DAB1: variants seen among roughly 807,000 people sequenced by gnomAD.
DAB1 encodes the protein disabled homolog 1.
Under a neutral mutation model 64.6 loss-of-function variants are expected in DAB1, and 15 were observed. The observed-to-expected ratio is 0.23, with a 90% CI of 0.16 to 0.36. The LOEUF (loss-of-function observed/expected upper bound fraction) is 0.36, where lower values mean the gene tolerates loss of function less well. Among genes scored for constraint, DAB1 ranks in the 10% least tolerant of loss-of-function variants. The pLI is 1.00. For synonymous variants in DAB1, 235 were observed against 251.9 expected (o/e 0.93, Z 0.64); for missense variants, 596 against 706.7 (o/e 0.84, Z 1.78).
At chr1:57,362,321 C>G (rs375988244) in intron 1 of DAB1, among the ~76,000 whole-genome samples, 2 of 144,422 alleles carry the variant, frequency 1.4e-5, no homozygotes, top group Non-Finnish European at 3.0e-5. Flanking sequence ...GCTCAAAAAA[C>G]GTAAATCATT....
intron 1 of DAB1, chr1:58,539,094 G>A (rs34466938): frequency 1.1e-6 from 1 of 872,778 alleles, no homozygotes; most frequent in Admixed American, 1.7e-5. Context: ...AAAAATGAAA[G>A]TTTCCAGGCA....
intron 5 of DAB1, among the ~76,000 whole-genome samples, chr1:57,942,402 A>G (rs1205544437): frequency 1.3e-5 from 2 of 152,232 alleles, no homozygotes; most frequent in African/African-American, 4.8e-5. Flanking sequence ...TTAACTGTAC[A>G]TGATAGCACT....
At chr1:57,146,433 C>A (rs1659144395) in intron 2 of DAB1, among the ~76,000 whole-genome samples, 1 of 152,194 alleles carries the variant, frequency 6.6e-6, no homozygotes, top group Non-Finnish European at 1.5e-5. Flanking sequence ...AACTTCAACT[C>A]TTGATTTCTC....
At chr1:57,273,580 T>A (rs932156456) in intron 2 of DAB1, among the ~76,000 whole-genome samples, 10 of 75,440 alleles carry the variant, frequency 1.3e-4, no homozygotes, top group African/African-American at 5.5e-4. Context: ...CCTTCCTTCC[T>A]TCCTTCCTTC....
chr1:58,145,295 T>A (rs1396501524), intron 5 of DAB1, among the ~76,000 whole-genome samples: 1 of 152,224 alleles, frequency 6.6e-6, no homozygotes, highest in Non-Finnish European at 1.5e-5. Context: ...TGCCCTGCAA[T>A]GTGCCTGGCA....
chr1:57,658,306 CTTT>C (rs1165560066), intron 6 of DAB1, among the ~76,000 whole-genome samples: 7 of 131,192 alleles, frequency 5.3e-5, no homozygotes, highest in African/African-American at 5.6e-5. Flanking sequence ...CAATTTTGTT[CTTT>C]TTTTTTTTTT....
chr1:57,200,475 C>A (rs1383566045), intron 2 of DAB1, among the ~76,000 whole-genome samples: 1 of 152,092 alleles, frequency 6.6e-6, no homozygotes, highest in African/African-American at 2.4e-5. Flanking sequence ...ATAGTGGTTA[C>A]GAGCATGTAG....
chr1:57,669,480 G>T (rs1338587143), intron 6 of DAB1, among the ~76,000 whole-genome samples: 4 of 152,134 alleles, frequency 2.6e-5, no homozygotes, highest in African/African-American at 9.7e-5. Flanking sequence ...TGCCCGCCAT[G>T]AAAATTGTTC....
At chr1:57,911,385 A>G (rs975741476) in intron 5 of DAB1, among the ~76,000 whole-genome samples, 7 of 152,176 alleles carry the variant, frequency 4.6e-5, no homozygotes, top group African/African-American at 1.7e-4. Flanking sequence ...GAGATCTGGG[A>G]AGGCAAAAGG....
intron 5 of DAB1, among the ~76,000 whole-genome samples, chr1:58,025,220 T>A (rs1188162614): frequency 6.6e-6 from 1 of 152,054 alleles, no homozygotes; most frequent in Non-Finnish European, 1.5e-5. Flanking sequence ...AATAACTCTC[T>A]AAATACAATA....
chr1:57,915,221 A>T (rs912947009), intron 5 of DAB1, among the ~76,000 whole-genome samples: 1 of 151,916 alleles, frequency 6.6e-6, no homozygotes, highest in Non-Finnish European at 1.5e-5. Flanking sequence ...GAATGGCAAA[A>T]CTATTACTTT....
intron 11 of DAB1, among the ~76,000 whole-genome samples, chr1:57,020,377 T>G (rs1646574611): frequency 2.0e-5 from 3 of 152,352 alleles, no homozygotes; most frequent in African/African-American, 7.2e-5. Flanking sequence ...CATTTACTCA[T>G]GCAATCCTTA....
intron 3 of DAB1, among the ~76,000 whole-genome samples, chr1:58,421,298 A>C (rs1644769391): frequency 6.6e-6 from 1 of 152,234 alleles, no homozygotes; most frequent in Non-Finnish European, 1.5e-5. Context: ...CTTAATTACA[A>C]TGTGATGCCT....
chr1:57,715,314 C>G (rs1647071703), intron 6 of DAB1, among the ~76,000 whole-genome samples: 1 of 152,168 alleles, frequency 6.6e-6, no homozygotes, highest in Admixed American at 6.5e-5. Context: ...AAATTCACAG[C>G]TAACATCATA....
chr1:58,537,412 T>C (rs1258149872), intron 1 of DAB1, among the ~76,000 whole-genome samples: 2 of 152,194 alleles, frequency 1.3e-5, no homozygotes, highest in African/African-American at 4.8e-5. Context: ...TAGTGCTCAG[T>C]AGCAGAAACT....
intron 3 of DAB1, among the ~76,000 whole-genome samples, chr1:58,353,677 C>G (rs2100517602): frequency 6.6e-6 from 1 of 152,202 alleles, no homozygotes; most frequent in Non-Finnish European, 1.5e-5. Flanking sequence ...GAATGAAAAG[C>G]AGGAAAATGC....
chr1:58,423,781 G>A (rs538180141), intron 3 of DAB1, among the ~76,000 whole-genome samples: 1 of 152,330 alleles, frequency 6.6e-6, no homozygotes, highest in African/African-American at 2.4e-5. Flanking sequence ...GCAAGGCACA[G>A]GGGAAATAAT....
chr1:58,191,757 C>G (rs914184887), intron 4 of DAB1, among the ~76,000 whole-genome samples: 18 of 152,210 alleles, frequency 1.2e-4, no homozygotes, highest in Non-Finnish European at 2.5e-4. Context: ...CCTAACTTGT[C>G]TGTGAAATGT....
chr1:58,413,627 G>A (rs557870582), intron 3 of DAB1, among the ~76,000 whole-genome samples: 1 of 152,220 alleles, frequency 6.6e-6, no homozygotes, highest in Non-Finnish European at 1.5e-5. Context: ...GGTGCTGGGG[G>A]TCTGCGTTGA....
Sources: gnomAD v4.1 joint callset for allele counts (sites outside exome capture counted in the v4.1 genomes callset) on GRCh38, gnomAD v4.1.1 for gene constraint, MANE v1.5 for transcripts, NCBI Gene and HGNC (gene_info 2026-07-23, HGNC 2026-07-21) for gene names.